The following PTPRD variants were observed in gnomAD, a reference collection of about 807,000 sequenced individuals.
PTPRD encodes the protein protein tyrosine phosphatase receptor type D.
Under a neutral mutation model 214.5 loss-of-function variants are expected in PTPRD, and 34 were observed. That is an observed-to-expected ratio of 0.16 (90% CI 0.12 to 0.21). PTPRD has a LOEUF of 0.21. PTPRD is among the 10% of genes least tolerant of loss of function. The pLI, the probability that PTPRD is intolerant of heterozygous loss-of-function variation, is 1.00. For synonymous variants in PTPRD, 1,128 were observed against 845.7 expected, an observed-to-expected ratio of 1.33 and a Z score of -5.79; for missense variants, 2,545 against 2,398.7, an observed-to-expected ratio of 1.06 and a Z score of -1.27.
At chr9:9,374,507 G>T (rs908966548) in intron 9 of PTPRD, among the ~76,000 whole-genome samples, 1 of 152,096 alleles carries the variant, frequency 6.6e-6, no homozygotes, top group Non-Finnish European at 1.5e-5. Context: ...ATTCCAGAAA[G>T]TAGTTTAATA....
intron 11 of PTPRD, among the ~76,000 whole-genome samples, chr9:8,882,437 T>G (rs1426665139): frequency 6.6e-6 from 1 of 152,160 alleles, no homozygotes; most frequent in Non-Finnish European, 1.5e-5. Context: ...CTTCTGATCC[T>G]CACAAAAGTA....
chr9:8,354,930 C>T (rs1461755582), intron 39 of PTPRD, among the ~76,000 whole-genome samples: 11 of 152,212 alleles, frequency 7.2e-5, no homozygotes, highest in African/African-American at 9.6e-5. Flanking sequence ...CACTCTACTG[C>T]ACTACTGAAA....
At chr9:9,442,393 C>G (rs2088407131) in intron 8 of PTPRD, 1 of 152,192 alleles carries the variant, frequency 6.6e-6, no homozygotes, top group Non-Finnish European at 1.5e-5. Context: ...TGACAGGTAA[C>G]TTTTCATTCT....
chr9:8,682,279 G>T (rs937340210), intron 12 of PTPRD, among the ~76,000 whole-genome samples: 1 of 152,070 alleles, frequency 6.6e-6, no homozygotes, highest in African/African-American at 2.4e-5. Context: ...ATGAGACTTC[G>T]ACTCCTACCG....
intron 2 of PTPRD, among the ~76,000 whole-genome samples, chr9:10,575,659 T>C (rs765668613): frequency 3.9e-5 from 6 of 152,252 alleles, no homozygotes; most frequent in Admixed American, 1.3e-4. Flanking sequence ...TGGTCATTTA[T>C]GGTGATTACA....
intron 9 of PTPRD, among the ~76,000 whole-genome samples, chr9:9,239,941 G>C (rs1286933404): frequency 6.6e-6 from 1 of 152,156 alleles, no homozygotes; most frequent in African/African-American, 2.4e-5. Flanking sequence ...GGTGGGAATT[G>C]AGGACCATAA....
chr9:9,809,543 C>T (rs1357191709), intron 5 of PTPRD, among the ~76,000 whole-genome samples: 2 of 152,116 alleles, frequency 1.3e-5, no homozygotes, highest in Middle Eastern at 3.2e-3. Context: ...GGATTACAGG[C>T]GTGAGCCACT....
chr9:9,966,468 G>T (rs992478345), intron 4 of PTPRD, among the ~76,000 whole-genome samples: 1 of 152,232 alleles, frequency 6.6e-6, no homozygotes, highest in African/African-American at 2.4e-5. Context: ...TGCTTCCATT[G>T]TAGAGCTAAG....
intron 5 of PTPRD, among the ~76,000 whole-genome samples, chr9:9,836,072 T>C (rs776055958): frequency 6.6e-6 from 1 of 151,638 alleles, no homozygotes; most frequent in African/African-American, 2.4e-5. Flanking sequence ...CTGGAAGAGA[T>C]GATGGCCTAA....
At chr9:9,485,765 C>T (rs1169177731) in intron 8 of PTPRD, among the ~76,000 whole-genome samples, 1 of 152,150 alleles carries the variant, frequency 6.6e-6, no homozygotes, top group African/African-American at 2.4e-5. Context: ...AACTGTCCCT[C>T]TCATTCAGTG....
At chr9:8,532,717 T>G (rs1421106514) in intron 14 of PTPRD, among the ~76,000 whole-genome samples, 1 of 152,048 alleles carries the variant, frequency 6.6e-6, no homozygotes, top group South Asian at 2.1e-4. Flanking sequence ...ACAAAGCCAT[T>G]TGTTCTGTCA....
intron 37 of PTPRD, among the ~76,000 whole-genome samples, chr9:8,383,264 G>C (rs1337280351): frequency 6.6e-6 from 1 of 152,142 alleles, no homozygotes; most frequent in Non-Finnish European, 1.5e-5. Flanking sequence ...CTTTGTGCTA[G>C]GGTAAGTTTA....
In PTPRD at chr9:9,975,610, C is replaced by T. The variant is rs985032061; in HGVS notation, c.-471-37000G>A. On this transcript the variant is annotated intron_variant, in intron 4 of 45. Coordinates refer to ENST00000381196, the MANE Select transcript of PTPRD (RefSeq NM_002839.4). ...AACAAAATTCTCTATGTAACTCCCA[C>T]ATGCATTAAAGTTTGTGATGCAATG... 5.9e-5 allele frequency among the ~76,000 whole-genome samples: 9 copies of T among 152,292 alleles called. No individual in the cohort carries two copies. In the South Asian group the frequency reaches 1.7e-3, roughly 28 times the overall value.
chr9:9,391,321 A>T (rs1345253227), intron 9 of PTPRD, among the ~76,000 whole-genome samples: 1 of 152,170 alleles, frequency 6.6e-6, no homozygotes, highest in Non-Finnish European at 1.5e-5. Flanking sequence ...AAACAAGGAG[A>T]CATTTCATTT....
rs138060145 is a variant in PTPRD at position 9,167,609 on chromosome 9, G to T, written c.-143+15695C>A. The stretch of plus-strand genomic sequence containing the variant: ...GTCCCTACTAAAAATACAAAAATTA[G>T]CCGGGTATGGTGGTGCGTGCCTGTA... On this transcript the variant is annotated intron_variant, in intron 10 of 45. Coordinates refer to ENST00000381196, the MANE Select transcript of PTPRD (RefSeq NM_002839.4). Among the ~76,000 whole-genome samples the T allele has an allele frequency of 2.8e-3, 426 of 151,880 alleles. 3 individuals carry two copies. Among genetic ancestry groups the T allele is most frequent in the African/African-American group, 9.8e-3 (406 of 41,418 alleles).
At chr9:10,394,239 A>G (rs2154492705) in intron 2 of PTPRD, among the ~76,000 whole-genome samples, 1 of 146,792 alleles carries the variant, frequency 6.8e-6, no homozygotes, top group East Asian at 2.0e-4. Context: ...TATTATATAT[A>G]ATATATAGAA....
chr9:9,842,261 CA>C, intron 5 of PTPRD, among the ~76,000 whole-genome samples: 1 of 139,420 alleles, frequency 7.2e-6, no homozygotes, highest in East Asian at 2.1e-4. Flanking sequence ...GGCAATGATT[CA>C]AAACACAAAA....
intron 35 of PTPRD, among the ~76,000 whole-genome samples, chr9:8,405,918 A>G (rs898119927): frequency 6.6e-6 from 1 of 152,144 alleles, no homozygotes; most frequent in Non-Finnish European, 1.5e-5. Context: ...AGAATTTATC[A>G]CAACAGTAAA....
chr9:8,854,279 C>T (rs1431295122), intron 11 of PTPRD, among the ~76,000 whole-genome samples: 2 of 152,146 alleles, frequency 1.3e-5, no homozygotes, highest in African/African-American at 2.4e-5. Context: ...GACTCTTATA[C>T]TGCCTGCAAA....
Sources: allele counts gnomAD v4.1 joint callset (sites outside exome capture counted in the v4.1 genomes callset), GRCh38; gene constraint gnomAD v4.1.1; transcripts MANE v1.5; gene names NCBI Gene and HGNC (gene_info 2026-07-23, HGNC 2026-07-21).